The following PCDHA5 variants were observed in gnomAD, a reference collection of about 807,000 sequenced individuals.
PCDHA5 encodes protocadherin alpha-5.
In PCDHA5, 43 loss-of-function variants were observed where a neutral mutation model predicts 61.6. The ratio of observed to expected loss-of-function variants is 0.70; its 90% CI spans 0.55 to 0.90. The LOEUF (loss-of-function observed/expected upper bound fraction) is 0.90, where lower values mean the gene tolerates loss of function less well. PCDHA5 is among the 40% of genes least tolerant of loss of function. PCDHA5 has a pLI of 0.00. For missense variants in PCDHA5, 1,298 were observed against 1,222.7 expected, an observed-to-expected ratio of 1.06 and a Z score of -0.92; for synonymous variants, 627 against 543.9, an observed-to-expected ratio of 1.15 and a Z score of -2.13.
At position 140,823,541 on chromosome 5, in the gene PCDHA5, T is replaced by C; in HGVS notation, c.1766T>C (p.Val589Ala). 6.2e-7 allele frequency: 1 copy of C among 1,613,782 alleles called. No homozygotes were observed. The highest frequency in any genetic ancestry group is 8.5e-7 in the Non-Finnish European group (1 of 1,179,846). ...CCGAGGTCAGTGGGTGCGGGCCACG[T>C]GGTGGCGAAGGTGCGCGCAGTGGAC... Reference protein sequence around the residue: ...LVPRSVGAGHVVAKVRAVDPD... With the variant: ...LVPRSVGAGHAVAKVRAVDPD... Residue 589 changes from valine to alanine, a missense_variant, in exon 1 of 4, where the codon GTG becomes GCG. Transcript: ENST00000529859.
chr5:140,911,509 A>G (rs1378667100), intron 1 of PCDHA5, among the ~76,000 whole-genome samples: 1 of 152,214 alleles, frequency 6.6e-6, no homozygotes, highest in Admixed American at 6.5e-5. Flanking sequence ...GAGGTTCAGT[A>G]TCTGCTTCTG....
chr5:140,847,838 T>G (rs1182373979), intron 1 of PCDHA5: 1 of 149,830 alleles, frequency 6.7e-6, no homozygotes, highest in African/African-American at 2.4e-5. Flanking sequence ...CTACCTCAGT[T>G]GGTTGCTACT....
rs960845779 is a variant in PCDHA5, at chr5:140,852,795, A to G, written c.2352+28668A>G. 2.0e-5 allele frequency: 20 copies of G among 977,252 alleles called. 2 individuals are homozygous for G. In the African/African-American group the frequency reaches 2.8e-4, roughly 14 times the overall value. 60.5% of individuals were successfully genotyped at this position (977,252 alleles called of 1,614,324 possible). A position where few individuals can be genotyped will look rare whatever the true frequency, so the allele number is the denominator to read the frequency against. ...TGATGTGAATAGAGGGATGCTACAG[A>G]TGTCATTTGTCTCCCGCCCTAAGTC... On this transcript the variant is annotated intron_variant, in intron 1 of 3. Coordinates refer to ENST00000529859, the MANE Select transcript of PCDHA5 (RefSeq NM_018908.3).
At chr5:140,986,859 C>T (rs1554248338) in intron 3 of PCDHA5, among the ~76,000 whole-genome samples, 1 of 152,152 alleles carries the variant, frequency 6.6e-6, no homozygotes, top group East Asian at 1.9e-4. Context: ...ACCAACAATA[C>T]CCGGAAACTT....
Position 140,857,860 on chromosome 5 carries a change from G to A in PCDHA5, c.2352+33733G>A, listed in dbSNP as rs532607436. On this transcript the variant is annotated intron_variant, in intron 1 of 3. Transcript: ENST00000529859. ...TGGACGCTGACTCTGGATACAACGC[G>A]TGGCTGTCGTATGAATTGCAGTCGG... 1.9e-6 allele frequency: 3 copies of A among 1,597,882 alleles called. 1 individual carries two copies. Among genetic ancestry groups the A allele is most frequent in the South Asian group, 1.1e-5 (1 of 90,496 alleles).
At chr5:141,005,769 G>A (rs1421440870) in intron 3 of PCDHA5, among the ~76,000 whole-genome samples, 3 of 129,926 alleles carry the variant, frequency 2.3e-5, no homozygotes, top group Non-Finnish European at 4.9e-5. Context: ...AAGCAAACCA[G>A]ATGTGTAAAG....
At chr5:140,839,146 T>A (rs2150295080) in intron 1 of PCDHA5, among the ~76,000 whole-genome samples, 1 of 129,620 alleles carries the variant, frequency 7.7e-6, no homozygotes, top group Non-Finnish European at 1.6e-5. Flanking sequence ...GCAGACCAAG[T>A]TTGCTGCTCT....
intron 1 of PCDHA5, among the ~76,000 whole-genome samples, chr5:140,895,293 G>A (rs759197253): frequency 5.9e-5 from 9 of 151,430 alleles, no homozygotes; most frequent in African/African-American, 9.7e-5. Flanking sequence ...TAGGACCTTC[G>A]ATTTCCCCCC....
At chr5:141,004,679 TG>T in intron 3 of PCDHA5, among the ~76,000 whole-genome samples, 1 of 152,160 alleles carries the variant, frequency 6.6e-6, no homozygotes, top group South Asian at 2.1e-4. Context: ...GACTGTGGAG[TG>T]GTGCTGAAAC....
chr5:140,854,977 TAA>T (rs1490138607), intron 1 of PCDHA5, among the ~76,000 whole-genome samples: 1 of 149,962 alleles, frequency 6.7e-6, no homozygotes, highest in Non-Finnish European at 1.5e-5. Flanking sequence ...GAATTATAAT[TAA>T]GATTCTTTTT....
At position 140,828,141 on chromosome 5, in the gene PCDHA5, C is replaced by T. The variant is rs2150151318; in HGVS notation, c.2352+4014C>T. 8.7e-6 allele frequency: 14 copies of T among 1,613,956 alleles called. No individual in the cohort carries two copies. In the South Asian group the frequency reaches 1.4e-4, roughly 16 times the overall value. On this transcript the variant is annotated intron_variant, in intron 1 of 3. Coordinates refer to ENST00000529859, the MANE Select transcript of PCDHA5 (RefSeq NM_018908.3). ...TTGGGAAAGCAATGTCTGCTCCTCC[C>T]GCTTCTGCTCCTCGCAGCCTGGAAG...
chr5:140,920,728 C>T (rs781955762), intron 1 of PCDHA5, among the ~76,000 whole-genome samples: 8 of 151,974 alleles, frequency 5.3e-5, no homozygotes, highest in Non-Finnish European at 1.0e-4. Context: ...CCTGCAGTCC[C>T]AGCTACTCAG....
chr5:141,000,422 T>TATATA (rs1491457105), intron 3 of PCDHA5, among the ~76,000 whole-genome samples: 1 of 51,852 alleles, frequency 1.9e-5, no homozygotes, highest in Non-Finnish European at 3.5e-5. Flanking sequence ...TATATATATA[T>TATATA]TTTTTTTTTT....
At chr5:140,993,577 T>A (rs1215999612) in intron 3 of PCDHA5, among the ~76,000 whole-genome samples, 1 of 151,978 alleles carries the variant, frequency 6.6e-6, no homozygotes, top group African/African-American at 2.4e-5. Flanking sequence ...CTAGGGATGC[T>A]TTTCTTGGCT....
At chr5:140,918,853 C>T (rs1348069562) in intron 1 of PCDHA5, among the ~76,000 whole-genome samples, 4 of 152,134 alleles carry the variant, frequency 2.6e-5, no homozygotes, top group Non-Finnish European at 5.9e-5. Context: ...CTGCTGGTGC[C>T]TGAATCATGA....
intron 1 of PCDHA5, among the ~76,000 whole-genome samples, chr5:140,925,841 C>CT (rs1451775258): frequency 1.3e-5 from 2 of 152,066 alleles, no homozygotes; most frequent in African/African-American, 4.8e-5. Flanking sequence ...GTCGTCAAGT[C>CT]TTTGAGTTTC....
At chr5:140,979,912 G>C (rs1554241237) in intron 2 of PCDHA5, among the ~76,000 whole-genome samples, 2 of 152,248 alleles carry the variant, frequency 1.3e-5, no homozygotes, top group South Asian at 2.1e-4. Flanking sequence ...AGTTCGTAAA[G>C]AGAAAGCCTA....
chr5:140,854,329 T>C lies in PCDHA5; in HGVS notation c.2352+30202T>C, dbSNP rs1380061038. The C allele has an allele frequency of 1.9e-5, 4 of 216,048 alleles. 1 individual carries two copies. The highest frequency in any genetic ancestry group is 3.1e-5 in the Non-Finnish European group (4 of 127,638). 13.4% of individuals were successfully genotyped at this position (216,048 alleles called of 1,614,324 possible). ...AGATGATTGATCAATGGCAAACTTA[T>C]TTTACGCTCCAGATAGCTAAAACAA... On this transcript the variant is annotated intron_variant, in intron 1 of 3. Coordinates refer to ENST00000529859, the MANE Select transcript of PCDHA5 (RefSeq NM_018908.3).
Position 141,009,632 on chromosome 5 carries a change from G to A in PCDHA5, c.2506G>A (p.Glu836Lys). 1 of 1,613,032 alleles carries A rather than the reference G, an allele frequency of 6.2e-7. No individual in the cohort carries two copies. Among genetic ancestry groups the A allele is most frequent in the Non-Finnish European group, 8.5e-7 (1 of 1,179,354 alleles). The change falls in exon 4 of 4, where the codon GAG (glutamate) becomes AAG (lysine). Residue 836 changes from glutamate to lysine, a missense_variant. Transcript: ENST00000529859. The stretch of plus-strand genomic sequence containing the variant: ...TGTAATGTTTTGTCTTTCAGAACCA[G>A]AGGCAGGAGAAGTGTCCCCTCCAGT... ...PTVSSATPEP[E>K]AGEVSPPVGA...
Sources: allele counts gnomAD v4.1 joint callset (sites outside exome capture counted in the v4.1 genomes callset), GRCh38; gene constraint gnomAD v4.1.1; transcripts MANE v1.5; gene names NCBI Gene and HGNC (gene_info 2026-07-23, HGNC 2026-07-21).